The following PCDHA3 variants were observed in gnomAD, a reference collection of about 807,000 sequenced individuals.
PCDHA3 encodes protocadherin alpha 3.
A neutral mutation model predicts 62.2 loss-of-function variants in PCDHA3; 41 were observed. The ratio of observed to expected loss-of-function variants is 0.66; its 90% CI spans 0.51 to 0.86. The LOEUF (loss-of-function observed/expected upper bound fraction) is 0.86. Among genes scored for constraint, PCDHA3 ranks in the 40% least tolerant of loss-of-function variants. The pLI is 0.00. For synonymous variants in PCDHA3, 640 were observed against 555.4 expected, an observed-to-expected ratio of 1.15 and a Z score of -2.14; for missense variants, 1,304 against 1,241.2, an observed-to-expected ratio of 1.05 and a Z score of -0.76.
Position 140,803,024 on chromosome 5 carries a change from T to A in PCDHA3, c.1827T>A (p.Tyr609Ter), listed in dbSNP as rs782082974. The part of the protein sequence containing the change: ...ADSGYNAWLS[Y>*]ELQPGTGGAR... ...CAGGCTACAACGCGTGGCTTTCGTA[T>A]GAGCTGCAGCCTGGGACCGGCGGTG... The change falls in exon 1 of 4, where the codon TAT becomes TAA. Residue 609 changes from tyrosine (Y) to a stop codon, truncating the protein, a stop_gained. Coordinates refer to ENST00000522353, the MANE Select transcript of PCDHA3 (RefSeq NM_018906.3). LOFTEE classifies it high-confidence loss of function. 1.2e-6 allele frequency: 2 copies of A among 1,614,026 alleles called. No homozygotes were observed. Among genetic ancestry groups the A allele is most frequent in the South Asian group, 2.2e-5 (2 of 91,086 alleles).
At chr5:140,901,482 G>A (rs1348405650) in intron 1 of PCDHA3, among the ~76,000 whole-genome samples, 8 of 152,010 alleles carry the variant, frequency 5.3e-5, no homozygotes, top group African/African-American at 1.9e-4. Context: ...TATGTTCTTG[G>A]CACCTTCATC....
intron 1 of PCDHA3, chr5:140,877,068 G>T: frequency 6.2e-7 from 1 of 1,613,122 alleles, no homozygotes; most frequent in African/African-American, 1.3e-5. Context: ...AGCTGCTGCA[G>T]TTCCAGGTGA....
chr5:140,980,036 G>A (rs952735379), intron 2 of PCDHA3, among the ~76,000 whole-genome samples: 9 of 152,294 alleles, frequency 5.9e-5, no homozygotes, highest in Non-Finnish European at 1.0e-4. Flanking sequence ...ATTACATTGG[G>A]TGCTATTTCT....
chr5:140,822,172 TC>T, intron 1 of PCDHA3: 1 of 1,614,252 alleles, frequency 6.2e-7, no homozygotes, highest in Non-Finnish European at 8.5e-7. Context: ...GCCCAGGTTC[TC>T]CAGACAAGAA....
chr5:140,903,765 C>G (rs782453519), intron 1 of PCDHA3, among the ~76,000 whole-genome samples: 1 of 152,086 alleles, frequency 6.6e-6, no homozygotes. Flanking sequence ...TTTTGCTGAA[C>G]TTTTCTATCC....
intron 3 of PCDHA3, 42 bp from the exon 4 acceptor site, chr5:141,009,585 T>C: frequency 6.3e-7 from 1 of 1,592,908 alleles, no homozygotes; most frequent in Non-Finnish European, 8.6e-7. Flanking sequence ...ATCAAGAGCA[T>C]GTGTTGACCC....
chr5:140,916,692 C>T (rs968252842), intron 1 of PCDHA3, among the ~76,000 whole-genome samples: 47 of 152,270 alleles, frequency 3.1e-4, no homozygotes, highest in African/African-American at 1.0e-3. Flanking sequence ...TCTTTTCTCT[C>T]CTCTCCTTAA....
rs2091506714 is a variant in PCDHA3, at chr5:140,937,376, G to C, written c.2395-41573G>C. Reference sequence around the variant, plus strand: ...TATTATTTTATCTTAATGTTTATGTGTGTGTATGTGTATATAGGGGTATTG... The same window carrying C: ...TATTATTTTATCTTAATGTTTATGTCTGTGTATGTGTATATAGGGGTATTG... On this transcript the variant is annotated intron_variant, in intron 1 of 3. Coordinates refer to ENST00000522353, the MANE Select transcript of PCDHA3 (RefSeq NM_018906.3). Among the ~76,000 whole-genome samples, 4 of 152,084 alleles carry C rather than the reference G, an allele frequency of 2.6e-5. No homozygotes were observed. In the South Asian group the frequency reaches 8.3e-4, roughly 32 times the overall value.
At chr5:140,935,093 A>G (rs1182064605) in intron 1 of PCDHA3, among the ~76,000 whole-genome samples, 1 of 152,204 alleles carries the variant, frequency 6.6e-6, no homozygotes, top group Admixed American at 6.5e-5. Context: ...TCCCAGAATC[A>G]GCCATTTTTC....
chr5:141,009,944 C>T lies in PCDHA3; in HGVS notation c.*7C>T. On this transcript the variant is annotated 3_prime_UTR_variant, in exon 4 of 4. Coordinates refer to ENST00000522353, the MANE Select transcript of PCDHA3 (RefSeq NM_018906.3). Reference sequence around the variant, plus strand: ...TGACAACAGTGACCAGTGAGGTCCTCAAATGGAAACAAGCCACTTAGCCAG... The same window carrying T: ...TGACAACAGTGACCAGTGAGGTCCTTAAATGGAAACAAGCCACTTAGCCAG... The T allele has an allele frequency of 6.3e-7, 1 of 1,595,754 alleles. No individual in the cohort carries two copies. The highest frequency in any genetic ancestry group is 1.1e-5 in the South Asian group (1 of 87,514).
chr5:140,965,942 C>G (rs2095950444), intron 1 of PCDHA3, among the ~76,000 whole-genome samples: 2 of 152,330 alleles, frequency 1.3e-5, no homozygotes, highest in Admixed American at 1.3e-4. Flanking sequence ...AAGAGGGCAG[C>G]ATTTGCCATC....
chr5:140,857,717 G>T, intron 1 of PCDHA3: 1 of 1,597,518 alleles, frequency 6.3e-7, no homozygotes, highest in Non-Finnish European at 8.6e-7. Context: ...CGTGCTGGAC[G>T]AGAACGACAA....
intron 3 of PCDHA3, among the ~76,000 whole-genome samples, chr5:140,990,637 C>A (rs2097404568): frequency 6.6e-6 from 1 of 152,154 alleles, no homozygotes; most frequent in South Asian, 2.1e-4. Flanking sequence ...AGACTAGAAG[C>A]CTCAGCCAGT....
At position 140,855,877 on chromosome 5, in the gene PCDHA3, C is replaced by A. The variant is rs577890350; in HGVS notation, c.2394+52286C>A. ...GATGTCGCTGTCGTCCACAAAATAG[C>A]TTTTTAGAACAAAGGCATCAGCCAG... is the stretch of plus-strand genomic sequence containing the variant. On this transcript the variant is annotated intron_variant, in intron 1 of 3. Coordinates refer to ENST00000522353, the MANE Select transcript of PCDHA3 (RefSeq NM_018906.3). 6.7e-6 allele frequency: 6 copies of A among 896,996 alleles called. 1 individual carries two copies. Among genetic ancestry groups the A allele is most frequent in the Non-Finnish European group, 9.9e-6 (6 of 604,068 alleles). 55.6% of individuals were successfully genotyped at this position (896,996 alleles called of 1,614,324 possible).
intron 1 of PCDHA3, chr5:140,857,128 AGAT>A: frequency 6.3e-7 from 1 of 1,598,286 alleles, no homozygotes; most frequent in South Asian, 1.1e-5. Flanking sequence ...CAGTGAAAGA[AGAT>A]GCTCAAGTGG....
At position 140,835,282 on chromosome 5, in the gene PCDHA3, G is replaced by A. The variant is rs2150233282; in HGVS notation, c.2394+31691G>A. On this transcript the variant is annotated intron_variant, in intron 1 of 3. Transcript: ENST00000522353. Reference sequence around the variant, plus strand: ...AAGTTCCACATGGACCCCTTAAGTGGGGCAATCACAGTGATAGGACATATG... The same window carrying A: ...AAGTTCCACATGGACCCCTTAAGTGAGGCAATCACAGTGATAGGACATATG... 4 of 1,611,622 alleles carry A rather than the reference G, an allele frequency of 2.5e-6. No individual in the cohort carries two copies. In the South Asian group the frequency reaches 3.3e-5, roughly 13 times the overall value.
chr5:140,820,798 G>A (rs1766832615), intron 1 of PCDHA3, among the ~76,000 whole-genome samples: 1 of 152,036 alleles, frequency 6.6e-6, no homozygotes, highest in Admixed American at 6.5e-5. Flanking sequence ...ACAAAGGTAT[G>A]TATTTTACAA....
intron 1 of PCDHA3, chr5:140,871,485 C>T (rs1554165663): frequency 8.2e-6 from 13 of 1,593,104 alleles, no homozygotes; most frequent in Admixed American, 1.8e-5. Context: ...GGTCAAATCA[C>T]CCCGGACAGG....
At chr5:140,821,587 C>T in intron 1 of PCDHA3, 1 of 647,978 alleles carries the variant, frequency 1.5e-6, no homozygotes, top group Non-Finnish European at 2.4e-6. Context: ...TTTCTCCCTT[C>T]CCAGCCTCAA....
Sources: allele counts gnomAD v4.1 joint callset (sites outside exome capture counted in the v4.1 genomes callset), GRCh38; gene constraint gnomAD v4.1.1; transcripts MANE v1.5; gene names NCBI Gene and HGNC (gene_info 2026-07-23, HGNC 2026-07-21).